The following LTBP1 variants were observed in gnomAD, a reference collection of about 807,000 sequenced individuals.
The protein encoded by LTBP1 is latent transforming growth factor beta binding protein 1, also known as latent-transforming growth factor beta-binding protein 1.
Under a neutral mutation model 207.6 loss-of-function variants are expected in LTBP1, and 129 were observed. That is an observed-to-expected ratio of 0.62 (90% CI 0.54 to 0.72). The LOEUF is 0.72. Ranked by LOEUF, LTBP1 falls within the 30% of genes least tolerant of loss-of-function variation. The pLI is 0.00. For missense variants in LTBP1, 2,281 were observed against 2,217.2 expected (o/e 1.03, Z -0.58); for synonymous variants, 963 against 833.7 (o/e 1.16, Z -2.67).
chr2:32,971,299 A>T (rs1009572687), intron 2 of LTBP1, among the ~76,000 whole-genome samples: 3 of 151,952 alleles, frequency 2.0e-5, no homozygotes, highest in Non-Finnish European at 4.4e-5. Flanking sequence ...CTCTTGCCTG[A>T]TTTCTCTGGC....
At position 33,305,966 on chromosome 2, in the gene LTBP1, C is replaced by A. The variant is rs79518802; in HGVS notation, c.3482-3468C>A. ...AAGCTCAGTCTTGGTAGAAAGATGA[C>A]AGTGATTCACTGTTCCTGCCCTTAA... On this transcript the variant is annotated intron_variant, in intron 22 of 33. Transcript: ENST00000404816. 2.7e-3 allele frequency among the ~76,000 whole-genome samples: 404 copies of A among 152,266 alleles called. 4 individuals are homozygous for A. In the East Asian group the frequency reaches 0.03, roughly 11 times the overall value.
chr2:33,272,592 C>A (rs1231567722), intron 15 of LTBP1, among the ~76,000 whole-genome samples: 3 of 152,212 alleles, frequency 2.0e-5, no homozygotes, highest in African/African-American at 7.2e-5. Context: ...TTTAGAGCAT[C>A]TCTTTCATTC....
At chr2:33,298,206 T>C (rs2093917991) in intron 20 of LTBP1, among the ~76,000 whole-genome samples, 2 of 152,264 alleles carry the variant, frequency 1.3e-5, no homozygotes, top group South Asian at 4.1e-4. Flanking sequence ...AGAATTAATC[T>C]ATCTTTGTTC....
chr2:33,039,631 C>T (rs192993619), intron 3 of LTBP1, among the ~76,000 whole-genome samples: 1 of 152,274 alleles, frequency 6.6e-6, no homozygotes, highest in Non-Finnish European at 1.5e-5. Flanking sequence ...TAATCCCAGA[C>T]TTGTCTAAAT....
Position 33,347,560 on chromosome 2 carries a change from C to T in LTBP1, c.4000+50C>T, listed in dbSNP as rs756015875. The T allele has an allele frequency of 1.4e-5, 23 of 1,607,234 alleles. No homozygotes were observed. The Admixed American group carries it at 3.3e-4, about 23-fold the overall frequency. On this transcript the variant is annotated intron_variant, in intron 26 of 33. Coordinates refer to ENST00000404816, the MANE Select transcript of LTBP1 (RefSeq NM_206943.4). Reference sequence around the variant, plus strand: ...GGGAATGACAGGCTCCTCTCAAAGACCTGCACCCACACAGCTTTGGGATAA... The same window carrying T: ...GGGAATGACAGGCTCCTCTCAAAGATCTGCACCCACACAGCTTTGGGATAA...
At chr2:33,316,352 A>T (rs1448684687) in intron 24 of LTBP1, among the ~76,000 whole-genome samples, 1 of 152,228 alleles carries the variant, frequency 6.6e-6, no homozygotes, top group African/African-American at 2.4e-5. Flanking sequence ...TTTGCTCTAA[A>T]AAATAGTGCA....
At chr2:33,046,907 C>G (rs146600098) in intron 3 of LTBP1, among the ~76,000 whole-genome samples, 37 of 152,170 alleles carry the variant, frequency 2.4e-4, no homozygotes, top group Middle Eastern at 3.4e-3. Flanking sequence ...TAGAGGAAGT[C>G]AAATAGTATT....
intron 25 of LTBP1, among the ~76,000 whole-genome samples, chr2:33,346,942 C>T (rs1003395711): frequency 5.9e-5 from 9 of 152,012 alleles, no homozygotes; most frequent in Non-Finnish European, 1.3e-4. Flanking sequence ...CGGTGGAACC[C>T]CGTTGCTACT....
intron 5 of LTBP1, among the ~76,000 whole-genome samples, chr2:33,149,924 A>G (rs1223707243): frequency 1.3e-5 from 2 of 152,212 alleles, no homozygotes; most frequent in African/African-American, 4.8e-5. Flanking sequence ...TTGGGAGGGT[A>G]TGGGTTTGTT....
At chr2:32,971,121 C>T (rs1230682405) in intron 2 of LTBP1, among the ~76,000 whole-genome samples, 2 of 151,336 alleles carry the variant, frequency 1.3e-5, no homozygotes. Context: ...AGAAATGCTT[C>T]TGATTGTTAT....
chr2:32,996,893 G>C (rs945881529), intron 2 of LTBP1, among the ~76,000 whole-genome samples: 1 of 151,856 alleles, frequency 6.6e-6, no homozygotes, highest in Non-Finnish European at 1.5e-5. Context: ...TTTTTGTTTT[G>C]TTTTGTTTTG....
At chr2:33,063,256 A>T (rs551511060) in intron 3 of LTBP1, 1 of 151,750 alleles carries the variant, frequency 6.6e-6, no homozygotes, top group Non-Finnish European at 1.5e-5. Flanking sequence ...TACAATTTGC[A>T]TTGTCTTGAA....
In LTBP1 at chr2:33,093,798, AATG is replaced by A. The variant is rs1023680006; in HGVS notation, c.864-16772_864-16770del. 1.3e-3 allele frequency among the ~76,000 whole-genome samples: 201 copies of A among 152,166 alleles called. 1 individual carries two copies. Among genetic ancestry groups the A allele is most frequent in the Middle Eastern group, 6.8e-3 (2 of 294 alleles). On this transcript the variant is annotated intron_variant, in intron 3 of 33. Coordinates refer to ENST00000404816, the MANE Select transcript of LTBP1 (RefSeq NM_206943.4). ...GAGAACTATTAGAGTCATATACAGT[AATG>A]ATGATGATGATTATCATCATCATCA...
intron 8 of LTBP1, among the ~76,000 whole-genome samples, chr2:33,217,970 G>A (rs1308065751): frequency 6.6e-6 from 1 of 152,124 alleles, no homozygotes; most frequent in Non-Finnish European, 1.5e-5. Context: ...TTTTAAAATG[G>A]TAAATAAATG....
intron 2 of LTBP1, among the ~76,000 whole-genome samples, chr2:32,971,002 T>TTGTGTGTGTG (rs56246215): frequency 3.2e-4 from 45 of 142,634 alleles, no homozygotes; most frequent in Admixed American, 1.1e-3. Context: ...TCCTAGGTAT[T>TTGTGTGTGTG]TGTGTGTGTG....
At chr2:33,280,293 C>T in intron 19 of LTBP1, 135 bp downstream of exon 19, 2 of 882,358 alleles carry the variant, frequency 2.3e-6, no homozygotes, top group Non-Finnish European at 3.2e-6. Context: ...GAAAAGTTCC[C>T]AGTAACTTTT....
chr2:33,394,708 C>T (rs113213161), intron 32 of LTBP1, among the ~76,000 whole-genome samples: 1 of 152,170 alleles, frequency 6.6e-6, no homozygotes, highest in African/African-American at 2.4e-5. Flanking sequence ...GTTACTGTAG[C>T]CTTGTAGTAT....
Position 33,136,355 on chromosome 2 carries a change from G to A in LTBP1, c.1201+1395G>A, listed in dbSNP as rs148040086. ...ACTAACTAGCTAATCCGTAGGGCAT[G>A]CCAGTTAATATTTCTGGGCCTCAGT... On this transcript the variant is annotated intron_variant, in intron 5 of 33. Transcript: ENST00000404816. 2.4e-3 allele frequency among the ~76,000 whole-genome samples: 366 copies of A among 152,298 alleles called. 1 individual carries two copies. The highest frequency in any genetic ancestry group is 8.5e-3 in the African/African-American group (352 of 41,566).
chr2:32,950,955 C>G (rs1175103371), intron 2 of LTBP1, among the ~76,000 whole-genome samples: 1 of 152,222 alleles, frequency 6.6e-6, no homozygotes, highest in Admixed American at 6.5e-5. Flanking sequence ...TGGCTTCCTG[C>G]TTCTGCAGGC....
Sources: allele counts gnomAD v4.1 joint callset (sites outside exome capture counted in the v4.1 genomes callset), GRCh38; gene constraint gnomAD v4.1.1; transcripts MANE v1.5; gene names NCBI Gene and HGNC (gene_info 2026-07-23, HGNC 2026-07-21).